CSTF3: variants seen among roughly 807,000 people sequenced by gnomAD.
The protein encoded by CSTF3 is cleavage stimulation factor subunit 3.
A neutral mutation model predicts 105.8 loss-of-function variants in CSTF3; 29 were observed. The observed-to-expected ratio is 0.27, with a 90% CI of 0.20 to 0.37. The LOEUF (loss-of-function observed/expected upper bound fraction) is 0.37, where lower values mean the gene tolerates loss of function less well. CSTF3 is among the 10% of genes least tolerant of loss of function. The pLI is 1.00. For missense variants in CSTF3, 357 were observed against 879.3 expected (o/e 0.41, Z 7.51); for synonymous variants, 252 against 281.9 (o/e 0.89, Z 1.06).
At chr11:33,105,504 C>T (rs948291820) in intron 8 of CSTF3, 63 bp downstream of exon 8, 8 of 1,442,948 alleles carry the variant, frequency 5.5e-6, no homozygotes, top group Admixed American at 2.2e-5. Context: ...ATCTACAAAT[C>T]CACAATGCAT....
intron 1 of CSTF3, among the ~76,000 whole-genome samples, chr11:33,148,869 T>G (rs1855820888): frequency 6.6e-6 from 1 of 151,052 alleles, no homozygotes; most frequent in South Asian, 2.1e-4. Flanking sequence ...TGTTTTTTTT[T>G]TTTTTTTTTA....
chr11:33,093,498 A>G (rs947826685), intron 15 of CSTF3, among the ~76,000 whole-genome samples: 6 of 152,224 alleles, frequency 3.9e-5, no homozygotes, highest in Non-Finnish European at 8.8e-5. Flanking sequence ...TCCATCAGCA[A>G]TATAATACAA....
rs184978327 is a variant in CSTF3 at position 33,114,570 on chromosome 11, G to T, written c.226-6152C>A. Among the ~76,000 whole-genome samples, 46 of 152,238 alleles carry T rather than the reference G, an allele frequency of 3.0e-4. No individual in the cohort carries two copies. In the East Asian group the frequency reaches 5.4e-3, roughly 18 times the overall value. ...GAAATGGTTTAAAAACATATTTGAG[G>T]CTGGGTGCAGTGGCTTACACCTGTA... On this transcript the variant is annotated intron_variant, in intron 3 of 20. Transcript: ENST00000323959.
chr11:33,131,757 CAGG>C (rs1204099113), intron 3 of CSTF3, among the ~76,000 whole-genome samples: 3 of 151,934 alleles, frequency 2.0e-5, no homozygotes, highest in Non-Finnish European at 4.4e-5. Context: ...GAGGCTGAGG[CAGG>C]AGAATGGCGT....
At chr11:33,098,290 C>T (rs922152080) in intron 13 of CSTF3, among the ~76,000 whole-genome samples, 2 of 152,010 alleles carry the variant, frequency 1.3e-5, no homozygotes, top group African/African-American at 2.4e-5. Flanking sequence ...CGGTTTCTCC[C>T]GCCTCATTTA....
chr11:33,109,387 C>A (rs1224516674), intron 3 of CSTF3, among the ~76,000 whole-genome samples: 1 of 152,164 alleles, frequency 6.6e-6, no homozygotes, highest in Non-Finnish European at 1.5e-5. Context: ...GGTGAGAATG[C>A]TGATGACAGT....
chr11:33,085,811 T>G (rs1457722132), intron 19 of CSTF3, 38 bp from the exon 20 acceptor site: 1 of 1,600,932 alleles, frequency 6.2e-7, no homozygotes, highest in East Asian at 2.2e-5. Flanking sequence ...CCCAGTAATC[T>G]GACAAGTTAA....
At chr11:33,129,763 T>TA (rs749094426) in intron 3 of CSTF3, among the ~76,000 whole-genome samples, 1 of 152,200 alleles carries the variant, frequency 6.6e-6, no homozygotes, top group Non-Finnish European at 1.5e-5. Flanking sequence ...TTCTTACCCA[T>TA]AAAAGTATCT....
At chr11:33,108,971 T>C (rs906020310) in intron 3 of CSTF3, among the ~76,000 whole-genome samples, 3 of 152,176 alleles carry the variant, frequency 2.0e-5, no homozygotes, top group Non-Finnish European at 2.9e-5. Flanking sequence ...TGGAAGGTCA[T>C]TGTAAGATAT....
At chr11:33,121,717 T>G (rs143610581) in intron 3 of CSTF3, among the ~76,000 whole-genome samples, 1 of 152,090 alleles carries the variant, frequency 6.6e-6, no homozygotes, top group Non-Finnish European at 1.5e-5. Context: ...AAAACCTGAA[T>G]GGCAAGCTCT....
At chr11:33,147,644 C>T (rs953790020) in intron 1 of CSTF3, among the ~76,000 whole-genome samples, 2 of 151,534 alleles carry the variant, frequency 1.3e-5, no homozygotes, top group African/African-American at 2.4e-5. Flanking sequence ...AAAATGATAA[C>T]GATTAACTAA....
At chr11:33,118,760 C>G (rs200651232) in intron 3 of CSTF3, among the ~76,000 whole-genome samples, 1 of 146,218 alleles carries the variant, frequency 6.8e-6, no homozygotes, top group East Asian at 2.0e-4. Flanking sequence ...AAAAAAAAAA[C>G]AAAAAATGAC....
At chr11:33,097,938 A>G (rs1855241993) in intron 13 of CSTF3, among the ~76,000 whole-genome samples, 1 of 152,174 alleles carries the variant, frequency 6.6e-6, no homozygotes, top group Non-Finnish European at 1.5e-5. Context: ...TCCTCAAGAA[A>G]AGGAATTTCA....
intron 7 of CSTF3, 33 bp downstream of exon 7, chr11:33,105,850 G>A: frequency 1.3e-6 from 2 of 1,542,904 alleles, no homozygotes; most frequent in Non-Finnish European, 1.8e-6. Flanking sequence ...TAAATCAACT[G>A]TAGATGTAAA....
intron 3 of CSTF3, among the ~76,000 whole-genome samples, chr11:33,124,964 T>C (rs1054288013): frequency 3.3e-5 from 5 of 152,208 alleles, no homozygotes; most frequent in Non-Finnish European, 5.9e-5. Context: ...AAACTTTAGT[T>C]TTCTATAGTT....
intron 1 of CSTF3, among the ~76,000 whole-genome samples, chr11:33,142,906 T>A (rs779256026): frequency 9.2e-5 from 14 of 152,208 alleles, no homozygotes; most frequent in Non-Finnish European, 1.8e-4. Flanking sequence ...TTCCACTGTA[T>A]GCCCGTGAGA....
intron 3 of CSTF3, among the ~76,000 whole-genome samples, chr11:33,121,177 T>C (rs1237610418): frequency 6.6e-6 from 1 of 152,042 alleles, no homozygotes; most frequent in African/African-American, 2.4e-5. Flanking sequence ...AAAGTAGACA[T>C]AGCTAACCAA....
intron 20 of CSTF3, 68 bp from the exon 21 acceptor site, chr11:33,085,357 G>T (rs200050515): frequency 1.1e-6 from 1 of 880,228 alleles, no homozygotes. Flanking sequence ...GTTCAACTGT[G>T]GATACTTTAT....
intron 3 of CSTF3, among the ~76,000 whole-genome samples, chr11:33,137,269 A>C (rs955774558): frequency 1.3e-5 from 2 of 151,830 alleles, no homozygotes; most frequent in African/African-American, 4.8e-5. Context: ...ATTTCACATA[A>C]AAGAATTATC....
Sources: gnomAD v4.1 joint callset for allele counts (sites outside exome capture counted in the v4.1 genomes callset) on GRCh38, gnomAD v4.1.1 for gene constraint, MANE v1.5 for transcripts, NCBI Gene and HGNC (gene_info 2026-07-23, HGNC 2026-07-21) for gene names.